Variants in CHLSN observed in about 807,000 individuals in gnomAD.
CHLSN encodes the protein protein cholesin.
chr7:1,095,297 C>T, the CHLSN span, among the ~76,000 whole-genome samples: 25 of 132,972 alleles, frequency 1.9e-4, no homozygotes, highest in African/African-American at 6.9e-4. Flanking sequence ...CACACCTGGG[C>T]GCTGTCTTTA....
chr7:993,268 C>T, the CHLSN span, among the ~76,000 whole-genome samples: 341 of 152,310 alleles, frequency 2.2e-3, 1 homozygote, highest in African/African-American at 8.0e-3. Context: ...CACTGGAGGG[C>T]GCATGGCACA....
the CHLSN span, among the ~76,000 whole-genome samples, chr7:1,110,315 C>G: frequency 0.033 from 5,101 of 152,316 alleles, 283 homozygotes; most frequent in African/African-American, 0.12. Flanking sequence ...GGCACGTCCT[C>G]CGACGACAAG....
the CHLSN span, among the ~76,000 whole-genome samples, chr7:1,009,734 C>T: frequency 2.6e-5 from 4 of 152,254 alleles, no homozygotes; most frequent in African/African-American, 7.2e-5. Flanking sequence ...AACCCCTGCA[C>T]GGGCAGCGGC....
chr7:1,065,476 C>T, the CHLSN span, among the ~76,000 whole-genome samples: 2 of 152,260 alleles, frequency 1.3e-5, no homozygotes, highest in South Asian at 2.1e-4. Context: ...GAATGCTACT[C>T]GTCAGCGAAA....
chr7:994,607 A>G, the CHLSN span, among the ~76,000 whole-genome samples: 2 of 151,174 alleles, frequency 1.3e-5, no homozygotes, highest in Non-Finnish European at 2.9e-5. Flanking sequence ...CCATCCCCGG[A>G]TTTTTTATTT....
the CHLSN span, among the ~76,000 whole-genome samples, chr7:1,022,383 A>T: frequency 6.6e-6 from 1 of 152,226 alleles, no homozygotes; most frequent in Non-Finnish European, 1.5e-5. Flanking sequence ...ATTCTGTTCC[A>T]ATTTAAAGAA....
chr7:1,057,735 C>T, the CHLSN span: 4 of 775,618 alleles, frequency 5.2e-6, no homozygotes, highest in South Asian at 5.4e-5. Context: ...AGTGGCAGGC[C>T]TGGTGCTCAG....
At chr7:1,093,835 G>A in the CHLSN span, 1 of 378,766 alleles carries the variant, frequency 2.6e-6, no homozygotes, top group Non-Finnish European at 5.5e-6. Context: ...CTGTCTTGGG[G>A]GTCTGCCAAG....
chr7:1,109,398 A>C, the CHLSN span: 7 of 152,242 alleles, frequency 4.6e-5, no homozygotes, highest in Middle Eastern at 3.2e-3. Flanking sequence ...CACCGGCCTG[A>C]AGATCACCTT....
the CHLSN span, among the ~76,000 whole-genome samples, chr7:1,064,492 C>T: frequency 1.3e-5 from 2 of 152,176 alleles, no homozygotes; most frequent in African/African-American, 4.8e-5. Flanking sequence ...GGTTCCAGAC[C>T]CTGACCCTGA....
At chr7:1,084,270 G>T in the CHLSN span, among the ~76,000 whole-genome samples, 9 of 152,226 alleles carry the variant, frequency 5.9e-5, no homozygotes, top group African/African-American at 2.2e-4. Context: ...TGCATGTCAC[G>T]CGGAGGCGGG....
chr7:984,403 C>T, the CHLSN span: 2 of 1,546,250 alleles, frequency 1.3e-6, no homozygotes, highest in South Asian at 1.2e-5. Context: ...CCCCCGCCAT[C>T]CCTGCCAGCT....
chr7:1,107,762 A>AGAGGAGGGCTGTGTCCCACACTG, the CHLSN span, among the ~76,000 whole-genome samples: 2 of 151,844 alleles, frequency 1.3e-5, no homozygotes, highest in African/African-American at 4.8e-5. Flanking sequence ...GGGAGGAAGC[A>AGAGGAGGGCTGTGTCCCACACTG]GAGGAGGGCT....
chr7:1,082,239 T>G, the CHLSN span: 1 of 152,256 alleles, frequency 6.6e-6, no homozygotes. Context: ...TGGGAACCAC[T>G]CATCACTGTC....
the CHLSN span, among the ~76,000 whole-genome samples, chr7:1,030,706 G>A: frequency 6.6e-6 from 1 of 151,102 alleles, no homozygotes; most frequent in Non-Finnish European, 1.5e-5. Flanking sequence ...CCAGGCAGGC[G>A]GGGACTCTCT....
At chr7:1,111,410 A>G in the CHLSN span, among the ~76,000 whole-genome samples, 1 of 152,216 alleles carries the variant, frequency 6.6e-6, no homozygotes, top group Non-Finnish European at 1.5e-5. Flanking sequence ...AAGACATAAA[A>G]TGAAACCAAC....
the CHLSN span, among the ~76,000 whole-genome samples, chr7:1,133,671 G>A: frequency 5.3e-5 from 8 of 149,992 alleles, no homozygotes; most frequent in Admixed American, 2.0e-4. Flanking sequence ...GGAGAATGGC[G>A]CGAACACGGG....
At chr7:986,559 C>T in the CHLSN span, 9 of 1,573,594 alleles carry the variant, frequency 5.7e-6, no homozygotes, top group Middle Eastern at 3.6e-4. Context: ...GGGACGATCA[C>T]CGCCTGCCCA....
the CHLSN span, among the ~76,000 whole-genome samples, chr7:1,029,844 CAGGCCTGTTCCCATGCAG>C: frequency 3.3e-5 from 5 of 152,212 alleles, no homozygotes; most frequent in Non-Finnish European, 7.3e-5. Flanking sequence ...TCACCATCTC[CAGGCCTGTTCCCATGCAG>C]AGGCCTGCTC....
Sources: allele counts gnomAD v4.1 joint callset (sites outside exome capture counted in the v4.1 genomes callset), GRCh38; gene constraint gnomAD v4.1.1; transcripts MANE v1.5; gene names NCBI Gene and HGNC (gene_info 2026-07-23, HGNC 2026-07-21).